LRRN2: variants seen among roughly 807,000 people sequenced by gnomAD.
LRRN2 encodes the protein leucine rich repeat neuronal 2.
A neutral mutation model predicts 35.7 loss-of-function variants in LRRN2; 10 were observed. The observed-to-expected ratio is 0.28, with a 90% CI of 0.17 to 0.47. The LOEUF is 0.47. LRRN2 is among the 20% of genes least tolerant of loss of function. LRRN2 has a pLI of 0.99. For missense variants in LRRN2, 731 were observed against 940.3 expected (o/e 0.78, Z 2.91); for synonymous variants, 391 against 409.6 (o/e 0.95, Z 0.55).
chr1:204,673,798 T>C (rs944075), intron 1 of LRRN2, among the ~76,000 whole-genome samples: 150,964 of 152,234 alleles, frequency 0.99, 74,869 homozygotes, highest in East Asian at 1. Flanking sequence ...TCCCCCTCCC[T>C]GCTTTTCCCC....
intron 1 of LRRN2, among the ~76,000 whole-genome samples, chr1:204,648,794 C>T (rs1571660053): frequency 6.6e-6 from 1 of 152,224 alleles, no homozygotes; most frequent in East Asian, 1.9e-4. Flanking sequence ...TGGAGCTGTT[C>T]AGACCACAGC....
At chr1:204,673,035 C>T (rs906436105) in intron 1 of LRRN2, among the ~76,000 whole-genome samples, 4 of 152,218 alleles carry the variant, frequency 2.6e-5, no homozygotes, top group Middle Eastern at 3.4e-3. Context: ...CGAGGGCCAC[C>T]CCCTCTCTGC....
At chr1:204,637,345 C>A (rs1466654375) in intron 1 of LRRN2, among the ~76,000 whole-genome samples, 1 of 152,228 alleles carries the variant, frequency 6.6e-6, no homozygotes, top group Non-Finnish European at 1.5e-5. Flanking sequence ...TGCTTCCCAG[C>A]CCTTCTCAAG....
intron 1 of LRRN2, among the ~76,000 whole-genome samples, chr1:204,652,263 C>CCCCCCCCCCGCCCCCCCG (rs1553348476): frequency 1.1e-4 from 8 of 73,450 alleles, no homozygotes; most frequent in African/African-American, 5.7e-4. Flanking sequence ...CTTCACCGCC[C>CCCCCCCCCCGCCCCCCCG]CCCCCCCGCC....
intron 1 of LRRN2, among the ~76,000 whole-genome samples, chr1:204,625,530 A>G (rs1667279062): frequency 6.6e-6 from 1 of 152,224 alleles, no homozygotes; most frequent in African/African-American, 2.4e-5. Flanking sequence ...ATGCATAGGT[A>G]CAAGTACAAC....
chr1:204,640,125 G>A (rs576860796), intron 1 of LRRN2, among the ~76,000 whole-genome samples: 83 of 152,258 alleles, frequency 5.5e-4, no homozygotes, highest in African/African-American at 1.7e-3. Context: ...TATTGTTCAC[G>A]GTTCTGGAGG....
At chr1:204,669,676 G>A (rs1668665595) in intron 1 of LRRN2, among the ~76,000 whole-genome samples, 1 of 152,224 alleles carries the variant, frequency 6.6e-6, no homozygotes, top group African/African-American at 2.4e-5. Flanking sequence ...GAAGGGATGG[G>A]AAGAGTGATT....
chr1:204,638,041 C>A (rs1015768856), intron 1 of LRRN2, among the ~76,000 whole-genome samples: 1 of 152,132 alleles, frequency 6.6e-6, no homozygotes, highest in Non-Finnish European at 1.5e-5. Flanking sequence ...GTCTCCCTCC[C>A]GCCTCGTGAA....
intron 1 of LRRN2, among the ~76,000 whole-genome samples, chr1:204,657,074 C>T (rs142385965): frequency 6.6e-4 from 100 of 152,172 alleles, no homozygotes; most frequent in African/African-American, 2.1e-3. Flanking sequence ...AGAACCGAGG[C>T]GGGTGGACCA....
At chr1:204,671,439 C>G (rs1668710274) in intron 1 of LRRN2, among the ~76,000 whole-genome samples, 2 of 66,924 alleles carry the variant, frequency 3.0e-5, no homozygotes, top group Non-Finnish European at 8.2e-5. Flanking sequence ...GTGTGTGTGT[C>G]CCAGCGGGTC....
intron 1 of LRRN2, among the ~76,000 whole-genome samples, chr1:204,646,919 C>T (rs2102605749): frequency 6.6e-6 from 1 of 152,282 alleles, no homozygotes; most frequent in South Asian, 2.1e-4. Context: ...GCAGGTGAGC[C>T]CAGCTACAGC....
At chr1:204,679,585 A>G (rs552315616) in intron 1 of LRRN2, among the ~76,000 whole-genome samples, 206 of 152,300 alleles carry the variant, frequency 1.4e-3, no homozygotes, top group African/African-American at 4.9e-3. Flanking sequence ...GTAAATAGGA[A>G]CAATTGTACC....
intron 1 of LRRN2, among the ~76,000 whole-genome samples, chr1:204,655,921 CTTTTT>C (rs748666486): frequency 1.3e-5 from 2 of 151,852 alleles, no homozygotes; most frequent in Non-Finnish European, 2.9e-5. Flanking sequence ...TTTTTCTTTT[CTTTTT>C]TGAGACGGAG....
At chr1:204,659,445 A>AGAG (rs1363196608) in intron 1 of LRRN2, among the ~76,000 whole-genome samples, 2 of 152,176 alleles carry the variant, frequency 1.3e-5, no homozygotes, top group Non-Finnish European at 2.9e-5. Context: ...GCTCCAGCTC[A>AGAG]GAGGAGGAGG....
intron 1 of LRRN2, among the ~76,000 whole-genome samples, chr1:204,630,690 C>T (rs954495766): frequency 6.6e-6 from 1 of 152,124 alleles, no homozygotes; most frequent in African/African-American, 2.4e-5. Context: ...ATGCCCTGGC[C>T]ATTCCCTTCC....
At position 204,619,391 on chromosome 1, in the gene LRRN2, A is replaced by G. The variant is rs1666670157; in HGVS notation, c.602T>C (p.Val201Ala). 1.2e-6 allele frequency: 2 copies of G among 1,614,082 alleles called. No individual in the cohort carries two copies. The highest frequency in any genetic ancestry group is 2.7e-5 in the African/African-American group (2 of 74,926). ...LEILMIGGNK[V>A]DAILDMNFRP... ...GAAGTTCATGTCCAGGATGGCATCT[A>G]CCTTGTTGCCGCCAATCATGAGTAT... The change falls in exon 2 of 2, where the codon GTA becomes GCA. Residue 201 changes from valine to alanine, a missense_variant. Transcript: ENST00000367177.
chr1:204,674,895 C>T (rs918850865), intron 1 of LRRN2, among the ~76,000 whole-genome samples: 1 of 152,226 alleles, frequency 6.6e-6, no homozygotes, highest in Non-Finnish European at 1.5e-5. Context: ...GTCGCCTCTG[C>T]CCAGTTCTTA....
chr1:204,663,364 C>A (rs1431081866), intron 1 of LRRN2, among the ~76,000 whole-genome samples: 1 of 152,188 alleles, frequency 6.6e-6, no homozygotes, highest in African/African-American at 2.4e-5. Flanking sequence ...AAGGAGTTAA[C>A]ACACAACATG....
chr1:204,669,189 G>A (rs1292194659), intron 1 of LRRN2, among the ~76,000 whole-genome samples: 1 of 152,208 alleles, frequency 6.6e-6, no homozygotes, highest in Non-Finnish European at 1.5e-5. Context: ...TGGTGAGGAG[G>A]AGCCTACACT....
Sources: allele counts gnomAD v4.1 joint callset (sites outside exome capture counted in the v4.1 genomes callset), GRCh38; gene constraint gnomAD v4.1.1; transcripts MANE v1.5; gene names NCBI Gene and HGNC (gene_info 2026-07-23, HGNC 2026-07-21).